Variants in CMIP observed in about 807,000 individuals in gnomAD.
CMIP encodes the protein C-Maf-inducing protein.
In CMIP, 13 loss-of-function variants were observed where a neutral mutation model predicts 97.3. That is an observed-to-expected ratio of 0.13 (90% CI 0.09 to 0.21). CMIP has a LOEUF of 0.21. Ranked by LOEUF, CMIP falls within the 10% of genes least tolerant of loss-of-function variation. CMIP has a pLI of 1.00. For missense variants in CMIP, 847 were observed against 1,024.9 expected (o/e 0.83, Z 2.37); for synonymous variants, 538 against 436.3 (o/e 1.23, Z -2.91).
chr16:81,536,568 C>T (rs138726057), intron 1 of CMIP, among the ~76,000 whole-genome samples: 131 of 152,296 alleles, frequency 8.6e-4, no homozygotes, highest in African/African-American at 2.8e-3. Flanking sequence ...AACCCGTCTC[C>T]GGAACCTTCT....
intron 1 of CMIP, among the ~76,000 whole-genome samples, chr16:81,456,010 AG>A (rs969702427): frequency 1.1e-4 from 16 of 152,308 alleles, no homozygotes; most frequent in African/African-American, 3.6e-4. Context: ...GGCAGGTTAC[AG>A]GGGCAGGTCT....
intron 1 of CMIP, among the ~76,000 whole-genome samples, chr16:81,531,594 C>A (rs1567562760): frequency 6.6e-6 from 1 of 152,232 alleles, no homozygotes; most frequent in Non-Finnish European, 1.5e-5. Flanking sequence ...ATCTCTGTGA[C>A]GTGCTCACAT....
At chr16:81,580,046 A>C (rs1003869294) in intron 1 of CMIP, among the ~76,000 whole-genome samples, 5 of 152,250 alleles carry the variant, frequency 3.3e-5, no homozygotes, top group Admixed American at 1.3e-4. Context: ...CTTTCTGAAG[A>C]ACGGATATTT....
rs1413231983 is a variant in CMIP, at chr16:81,696,547, C to T, written c.1531-13C>T. 1.9e-6 allele frequency: 3 copies of T among 1,601,096 alleles called. No homozygotes were observed. The highest frequency in any genetic ancestry group is 2.7e-5 in the African/African-American group (2 of 74,912). On this transcript the variant is annotated splice_polypyrimidine_tract_variant and intron_variant, in intron 13 of 20. Coordinates refer to ENST00000537098, the MANE Select transcript of CMIP (RefSeq NM_198390.3). ...GCATGCAGCTCACACTTGTGTCTTC[C>T]CTTGTCTGGCAGGTCCACTCATGCC...
intron 1 of CMIP, among the ~76,000 whole-genome samples, chr16:81,477,030 C>G (rs1228318481): frequency 6.6e-6 from 1 of 152,002 alleles, no homozygotes; most frequent in African/African-American, 2.4e-5. Context: ...CCATTTTTAT[C>G]TCGTGGGGCT....
intron 9 of CMIP, among the ~76,000 whole-genome samples, chr16:81,674,660 A>G (rs530487665): frequency 6.6e-6 from 1 of 152,268 alleles, no homozygotes; most frequent in East Asian, 1.9e-4. Context: ...ATCTTGGCTC[A>G]CTACAGCCTC....
chr16:81,532,444 C>T (rs984528218), intron 1 of CMIP, among the ~76,000 whole-genome samples: 4 of 152,130 alleles, frequency 2.6e-5, no homozygotes, highest in Non-Finnish European at 4.4e-5. Context: ...TACATTGAGC[C>T]CAACAGATAA....
intron 1 of CMIP, among the ~76,000 whole-genome samples, chr16:81,481,943 A>G (rs573520342): frequency 1.3e-5 from 2 of 150,812 alleles, no homozygotes; most frequent in Admixed American, 1.3e-4. Context: ...CAGTGGCGCA[A>G]TCTTGGCTCA....
chr16:81,572,430 C>A (rs2091109144), intron 1 of CMIP, among the ~76,000 whole-genome samples: 1 of 152,208 alleles, frequency 6.6e-6, no homozygotes, highest in Non-Finnish European at 1.5e-5. Flanking sequence ...ACTTTGGGTT[C>A]TTTCCTGCAG....
At chr16:81,511,431 A>G (rs1036865076) in intron 1 of CMIP, among the ~76,000 whole-genome samples, 1 of 152,162 alleles carries the variant, frequency 6.6e-6, no homozygotes. Flanking sequence ...AGGTTTTACA[A>G]TCTCTTTAAG....
rs759029188 is a variant in CMIP at position 81,705,467 on chromosome 16, G to A, written c.2092-32G>A. 1.7e-5 allele frequency: 25 copies of A among 1,483,762 alleles called. No individual in the cohort carries two copies. The Admixed American group carries it at 1.9e-4, about 11-fold the overall frequency. 91.9% of individuals were successfully genotyped at this position (1,483,762 alleles called of 1,614,324 possible). A position where few individuals can be genotyped will look rare whatever the true frequency, so the allele number is the denominator to read the frequency against. On this transcript the variant is annotated intron_variant, in intron 18 of 20. Coordinates refer to ENST00000537098, the MANE Select transcript of CMIP (RefSeq NM_198390.3). ...CAGAGTCACTTCCCCAGGAGTGGCC[G>A]GGAGAGGGCTGAGAGTTTCTGTGCT...
At chr16:81,696,251 C>A in intron 13 of CMIP, 1 of 458,242 alleles carries the variant, frequency 2.2e-6, no homozygotes, top group Non-Finnish European at 3.9e-6. Context: ...TTGCTCTGGG[C>A]ATCTCTACCT....
intron 1 of CMIP, among the ~76,000 whole-genome samples, chr16:81,532,832 G>A (rs765356636): frequency 6.6e-5 from 10 of 152,292 alleles, no homozygotes; most frequent in African/African-American, 9.6e-5. Flanking sequence ...TGGACACACC[G>A]TGTTGCCTCC....
intron 1 of CMIP, among the ~76,000 whole-genome samples, chr16:81,506,503 T>G (rs964379346): frequency 1.3e-5 from 2 of 152,204 alleles, no homozygotes; most frequent in African/African-American, 4.8e-5. Context: ...GAAATAACAT[T>G]GGAAAATGGA....
intron 1 of CMIP, chr16:81,519,300 A>C (rs1488361288): frequency 6.6e-6 from 1 of 152,244 alleles, no homozygotes; most frequent in Non-Finnish European, 1.5e-5. Flanking sequence ...CCCTGTCTCA[A>C]AGCAAACACA....
chr16:81,491,457 C>A (rs2089404819), intron 1 of CMIP, among the ~76,000 whole-genome samples: 1 of 152,224 alleles, frequency 6.6e-6, no homozygotes, highest in Admixed American at 6.5e-5. Context: ...GGAAAGCCCT[C>A]TGTGGGCTCC....
intron 5 of CMIP, 99 bp downstream of exon 5, chr16:81,657,915 A>G: frequency 1.0e-6 from 1 of 973,922 alleles, no homozygotes; most frequent in South Asian, 1.6e-5. Flanking sequence ...TGCGTAATCC[A>G]CCAGCATCTG....
chr16:81,474,128 G>A (rs914681811), intron 1 of CMIP, among the ~76,000 whole-genome samples: 1 of 151,988 alleles, frequency 6.6e-6, no homozygotes, highest in African/African-American at 2.4e-5. Context: ...GGCTGGGCAC[G>A]GCCTCTCCAC....
rs187296874 is a variant in CMIP at position 81,684,566 on chromosome 16, C to A, written c.1388+5938C>A. 2.3e-3 allele frequency among the ~76,000 whole-genome samples: 351 copies of A among 152,360 alleles called. 1 individual carries two copies. Among genetic ancestry groups the A allele is most frequent in the Non-Finnish European group, 3.2e-3 (216 of 68,036 alleles). ...CAGCTGAGCTGCGTGAGGTGGGAGA[C>A]CCGGGCTTTGCACTCACAAAGCCTT... On this transcript the variant is annotated intron_variant, in intron 10 of 20. Coordinates refer to ENST00000537098, the MANE Select transcript of CMIP (RefSeq NM_198390.3).
Sources: allele counts gnomAD v4.1 joint callset (sites outside exome capture counted in the v4.1 genomes callset), GRCh38; gene constraint gnomAD v4.1.1; transcripts MANE v1.5; gene names NCBI Gene and HGNC (gene_info 2026-07-23, HGNC 2026-07-21).